Variants in SLC6A5 observed in about 807,000 individuals in gnomAD.
SLC6A5 encodes the protein solute carrier family 6 member 5.
SLC6A5 carries 58 observed loss-of-function variants against 90.5 expected under a neutral mutation model. The observed-to-expected ratio is 0.64, with a 90% CI of 0.52 to 0.80. The LOEUF is 0.80. Among genes scored for constraint, SLC6A5 ranks in the 30% least tolerant of loss-of-function variants. The probability of loss-of-function intolerance (pLI) is 0.00; values close to 1 mark genes in which losing one functional copy is unlikely to be tolerated. For missense variants in SLC6A5, 1,015 were observed against 1,017.6 expected, an observed-to-expected ratio of 1.00 and a Z score of 0.03; for synonymous variants, 427 against 401.4, an observed-to-expected ratio of 1.06 and a Z score of -0.76.
chr11:20,643,001 G>T (rs1315445783), intron 13 of SLC6A5, among the ~76,000 whole-genome samples: 1 of 152,164 alleles, frequency 6.6e-6, no homozygotes, highest in Non-Finnish European at 1.5e-5. Context: ...TACAGCTTGG[G>T]GTCCAGCTCT....
In SLC6A5 at chr11:20,617,780, A is replaced by G. The variant is rs1459528268; in HGVS notation, c.1156A>G (p.Ile386Val). The G allele has an allele frequency of 6.2e-7, 1 of 1,614,080 alleles. No homozygotes were observed. Among genetic ancestry groups the G allele is most frequent in the African/African-American group, 1.3e-5 (1 of 75,026 alleles). Residue 386 changes from isoleucine (I) to valine (V), a missense_variant, in exon 7 of 16, where the codon ATT (isoleucine) becomes GTT (valine). Ile to Val is a conservative substitution (Grantham distance 29). Around this residue, in one of 3 missense-constraint regions of SLC6A5, gnomAD observed 567 missense variants for 507.3 expected, o/e 1.12. Coordinates refer to ENST00000525748, the MANE Select transcript of SLC6A5 (RefSeq NM_004211.5). ...KYFVLKISAG[I>V]EYPGEIRWPL... is the part of the protein sequence containing the mutation. The stretch of plus-strand genomic sequence containing the variant: ...CTTTGTGCTGAAGATTTCTGCAGGG[A>G]TTGAATATCCTGGCGAGATCAGGTG...
intron 2 of SLC6A5, among the ~76,000 whole-genome samples, chr11:20,602,609 C>T (rs749404813): frequency 3.1e-4 from 47 of 152,174 alleles, no homozygotes; most frequent in Non-Finnish European, 5.7e-4. Context: ...ATATATCCAG[C>T]AGTGGGGCCT....
intron 8 of SLC6A5, among the ~76,000 whole-genome samples, chr11:20,627,705 T>C (rs1853025474): frequency 6.6e-6 from 1 of 152,218 alleles, no homozygotes; most frequent in Non-Finnish European, 1.5e-5. Context: ...CTCCCTTCCG[T>C]TTAGCTTTAC....
chr11:20,609,067 G>C (rs2896606), intron 5 of SLC6A5, among the ~76,000 whole-genome samples: 1 of 151,548 alleles, frequency 6.6e-6, no homozygotes, highest in East Asian at 1.9e-4. Flanking sequence ...CCCTGTCTCT[G>C]GCTTCCAGTC....
rs113412217 is a variant in SLC6A5 at position 20,607,340 on chromosome 11, T to TAG, written c.812-137_812-136dup. ...CAGCAGAATGCCTTCATATCCCTGG[T>TAG]AGACATACAGTCCACTCTGCTATTA... On this transcript the variant is annotated intron_variant, in intron 4 of 15. Transcript: ENST00000525748. The TAG allele has an allele frequency of 0.014, 16,321 of 1,188,094 alleles. 1,677 individuals carry two copies. The African/African-American group carries it at 0.22, about 16-fold the overall frequency. The allele number at this position is 1,188,094 out of a possible 1,614,324, so 73.6% of individuals were successfully genotyped here.
Position 20,601,215 on chromosome 11 carries a change from C to T in SLC6A5, c.90C>T (p.Cys30=). The T allele has an allele frequency of 6.3e-7, 1 of 1,582,230 alleles. No homozygotes were observed. Among genetic ancestry groups the T allele is most frequent in the Non-Finnish European group, 8.5e-7 (1 of 1,171,902 alleles). Residue 30 remains cysteine (C), a synonymous_variant, in exon 2 of 16, where the codon TGC becomes TGT. Coordinates refer to ENST00000525748, the MANE Select transcript of SLC6A5 (RefSeq NM_004211.5). ...CGCAGGGCCACCCGGATGGCCCATG[C>T]GCTCCCAGGACGAGCCCGGAGCAGG... is the stretch of plus-strand genomic sequence containing the variant. The part of the protein sequence containing the change: ...AAAQGHPDGP[C]APRTSPEQEL...
intron 3 of SLC6A5, 131 bp downstream of exon 3, chr11:20,604,555 C>G: frequency 8.8e-7 from 1 of 1,136,232 alleles, no homozygotes; most frequent in Non-Finnish European, 1.3e-6. Context: ...TCCAGCCCTA[C>G]ACCTCGTAGG....
At chr11:20,607,792 T>C (rs1417313938) in intron 5 of SLC6A5, 140 bp downstream of exon 5, 1 of 680,170 alleles carries the variant, frequency 1.5e-6, no homozygotes, top group Non-Finnish European at 2.5e-6. Context: ...CTATCAAATA[T>C]ACTTAATTCT....
At chr11:20,642,883 T>C (rs916228345) in intron 13 of SLC6A5, among the ~76,000 whole-genome samples, 1 of 152,040 alleles carries the variant, frequency 6.6e-6, no homozygotes, top group African/African-American at 2.4e-5. Context: ...CTTTCCGGGG[T>C]CCAAACTGGC....
chr11:20,599,914 C>T (rs1852425958), intron 1 of SLC6A5, among the ~76,000 whole-genome samples: 4 of 152,052 alleles, frequency 2.6e-5, no homozygotes, highest in Admixed American at 1.3e-4. Context: ...AGACCCGATC[C>T]CGGGCACTGT....
intron 13 of SLC6A5, among the ~76,000 whole-genome samples, chr11:20,639,114 C>T (rs1291127753): frequency 5.9e-5 from 9 of 152,064 alleles, no homozygotes; most frequent in Admixed American, 1.3e-4. Context: ...CAATAGCAAC[C>T]GGCATGCCAT....
At chr11:20,605,053 G>A (rs1852552127) in intron 3 of SLC6A5, among the ~76,000 whole-genome samples, 1 of 152,190 alleles carries the variant, frequency 6.6e-6, no homozygotes. Flanking sequence ...GAGGTGGGGA[G>A]GACACTAGTT....
chr11:20,601,936 C>T (rs1318831764), intron 2 of SLC6A5, among the ~76,000 whole-genome samples: 1 of 152,224 alleles, frequency 6.6e-6, no homozygotes, highest in Non-Finnish European at 1.5e-5. Flanking sequence ...TCCAGATCCA[C>T]GAAAGAGTTG....
intron 9 of SLC6A5, among the ~76,000 whole-genome samples, chr11:20,629,852 G>A (rs533569919): frequency 6.6e-5 from 10 of 151,644 alleles, no homozygotes; most frequent in Non-Finnish European, 1.5e-4. Flanking sequence ...AGCTGGGATT[G>A]CGGGCATGTG....
intron 14 of SLC6A5, 118 bp from the exon 15 acceptor site, chr11:20,652,171 C>A: frequency 1.1e-6 from 1 of 909,382 alleles, no homozygotes; most frequent in Non-Finnish European, 1.8e-6. Flanking sequence ...ACTACTCTTT[C>A]GTGGGTATAG....
intron 2 of SLC6A5, 120 bp from the exon 3 acceptor site, chr11:20,604,166 C>T (rs560557783): frequency 4.6e-6 from 6 of 1,297,030 alleles, no homozygotes; most frequent in Non-Finnish European, 6.4e-6. Context: ...CTGATGCATC[C>T]TCGGTTGAGA....
chr11:20,651,905 CAAAAA>C (rs879900983), intron 14 of SLC6A5, among the ~76,000 whole-genome samples: 2 of 148,646 alleles, frequency 1.3e-5, no homozygotes, highest in Non-Finnish European at 3.0e-5. Context: ...GACTCTGTCT[CAAAAA>C]GAAAAAAAAA....
intron 5 of SLC6A5, among the ~76,000 whole-genome samples, chr11:20,611,529 T>C (rs1852692711): frequency 6.6e-6 from 1 of 152,126 alleles, no homozygotes; most frequent in African/African-American, 2.4e-5. Context: ...TTTCTTCATC[T>C]CTCTGTCCCA....
rs749692694 is a variant in SLC6A5, at chr11:20,607,678, G to C, written c.985+26G>C. The C allele has an allele frequency of 6.3e-6, 10 of 1,579,862 alleles. No individual in the cohort carries two copies. In the Admixed American group the frequency reaches 1.2e-4, roughly 18 times the overall value. ...GTAAGTTTGGAAATACCTGCTTTAG[G>C]TGTGTGTATTCTAAACTATCCATTT... is the stretch of plus-strand genomic sequence containing the variant. On this transcript the variant is annotated intron_variant, in intron 5 of 15. Coordinates refer to ENST00000525748, the MANE Select transcript of SLC6A5 (RefSeq NM_004211.5).
Sources: allele counts gnomAD v4.1 joint callset (sites outside exome capture counted in the v4.1 genomes callset), GRCh38; gene constraint gnomAD v4.1.1; regional missense constraint gnomAD v4.1.1; transcripts MANE v1.5; gene names NCBI Gene and HGNC (gene_info 2026-07-23, HGNC 2026-07-21).